The following PIK3C2G variants were observed in gnomAD, a reference collection of about 807,000 sequenced individuals.
PIK3C2G encodes the protein phosphatidylinositol-4-phosphate 3-kinase catalytic subunit type 2 gamma.
In PIK3C2G, 168 loss-of-function variants were observed where a neutral mutation model predicts 181.1. The observed-to-expected ratio is 0.93, with a 90% CI of 0.82 to 1.05. The LOEUF (loss-of-function observed/expected upper bound fraction) is 1.05. Among genes scored for constraint, PIK3C2G ranks in the 50% least tolerant of loss-of-function variants. The probability of loss-of-function intolerance (pLI) is 0.00; values close to 1 mark genes in which losing one functional copy is unlikely to be tolerated. For synonymous variants in PIK3C2G, 573 were observed against 592.2 expected, an observed-to-expected ratio of 0.97 and a Z score of 0.47; for missense variants, 1,869 against 1,732.8, an observed-to-expected ratio of 1.08 and a Z score of -1.40.
At chr12:18,532,271 C>G (rs1450452221) in intron 24 of PIK3C2G, among the ~76,000 whole-genome samples, 1 of 152,162 alleles carries the variant, frequency 6.6e-6, no homozygotes, top group Non-Finnish European at 1.5e-5. Flanking sequence ...AAAATAGACA[C>G]TCCAGATACT....
At chr12:18,620,040 T>C (rs1043617949) in intron 31 of PIK3C2G, among the ~76,000 whole-genome samples, 2 of 152,118 alleles carry the variant, frequency 1.3e-5, no homozygotes, top group Non-Finnish European at 2.9e-5. Context: ...TTTTTTAAAA[T>C]ATATTGAAAC....
chr12:18,719,829 A>T, the PIK3C2G span, among the ~76,000 whole-genome samples: 1 of 152,090 alleles, frequency 6.6e-6, no homozygotes, highest in Non-Finnish European at 1.5e-5. Context: ...CCATATTAAC[A>T]TTCAAGTAAA....
At chr12:18,345,634 A>ATTTGCTCTAGCT (rs1939598805) in intron 10 of PIK3C2G, among the ~76,000 whole-genome samples, 1 of 152,152 alleles carries the variant, frequency 6.6e-6, no homozygotes, top group African/African-American at 2.4e-5. Context: ...AGCTCTTTGC[A>ATTTGCTCTAGCT]CTATTTTCAT....
chr12:18,432,776 A>G (rs1042309304), intron 18 of PIK3C2G, among the ~76,000 whole-genome samples: 1 of 152,222 alleles, frequency 6.6e-6, no homozygotes, highest in African/African-American at 2.4e-5. Context: ...CCAGAAAGGG[A>G]TCTCAACATG....
intron 24 of PIK3C2G, among the ~76,000 whole-genome samples, chr12:18,516,062 G>A (rs1206601546): frequency 6.6e-6 from 1 of 151,972 alleles, no homozygotes; most frequent in African/African-American, 2.4e-5. Flanking sequence ...ACTTTTACCA[G>A]TGATTTTAAT....
intron 13 of PIK3C2G, among the ~76,000 whole-genome samples, chr12:18,379,181 G>A (rs1281655889): frequency 1.3e-5 from 2 of 152,160 alleles, no homozygotes; most frequent in East Asian, 1.9e-4. Flanking sequence ...ATACTATGCA[G>A]CCATAAAAAA....
intron 5 of PIK3C2G, among the ~76,000 whole-genome samples, chr12:18,307,166 A>G (rs1265109811): frequency 6.8e-6 from 1 of 148,138 alleles, no homozygotes; most frequent in Admixed American, 6.9e-5. Context: ...ATATTGCCTC[A>G]GAAATACTTT....
chr12:18,242,995 C>T (rs1286041366), upstream of PIK3C2G, among the ~76,000 whole-genome samples: 1 of 152,088 alleles, frequency 6.6e-6, no homozygotes, highest in Non-Finnish European at 1.5e-5. Flanking sequence ...CTGACCTTGC[C>T]CTGTTGGCAT....
At chr12:18,565,906 A>G (rs1016967974) in intron 28 of PIK3C2G, among the ~76,000 whole-genome samples, 1 of 152,164 alleles carries the variant, frequency 6.6e-6, no homozygotes, top group Admixed American at 6.5e-5. Context: ...TCCCAAAAAA[A>G]CTATGCATAT....
chr12:18,417,960 C>T (rs1945274280), intron 16 of PIK3C2G, among the ~76,000 whole-genome samples: 1 of 152,032 alleles, frequency 6.6e-6, no homozygotes, highest in Non-Finnish European at 1.5e-5. Context: ...AAACCTATTG[C>T]AACCAATGGA....
chr12:18,676,432 C>T, the PIK3C2G span, among the ~76,000 whole-genome samples: 1 of 152,062 alleles, frequency 6.6e-6, no homozygotes, highest in Admixed American at 6.6e-5. Context: ...TACATTGACC[C>T]CTTGCTTCTT....
intron 13 of PIK3C2G, among the ~76,000 whole-genome samples, chr12:18,374,856 C>T (rs1942324687): frequency 6.6e-6 from 1 of 152,124 alleles, no homozygotes; most frequent in Non-Finnish European, 1.5e-5. Flanking sequence ...CCTGTTATCA[C>T]CATGTGAGAC....
intron 6 of PIK3C2G, among the ~76,000 whole-genome samples, chr12:18,317,782 T>G (rs1227544903): frequency 6.6e-6 from 1 of 152,244 alleles, no homozygotes; most frequent in African/African-American, 2.4e-5. Flanking sequence ...TTCATATTGC[T>G]GTATTTCAAA....
At chr12:18,647,815 C>A in intron 32 of PIK3C2G, 61 bp from the exon 33 acceptor site, 2 of 1,014,040 alleles carry the variant, frequency 2.0e-6, no homozygotes, top group South Asian at 2.7e-5. Flanking sequence ...AAGCAATACT[C>A]AAAAAAGAGA....
At chr12:18,339,710 T>C (rs1454149984) in intron 9 of PIK3C2G, among the ~76,000 whole-genome samples, 2 of 152,178 alleles carry the variant, frequency 1.3e-5, no homozygotes, top group African/African-American at 4.8e-5. Flanking sequence ...CAGTAGTTTC[T>C]TAATGTTGGG....
Position 18,541,122 on chromosome 12 carries a change from C to T in PIK3C2G, c.3480+2810C>T, listed in dbSNP as rs1252682338. Among the ~76,000 whole-genome samples, 4 of 151,972 alleles carry T rather than the reference C, an allele frequency of 2.6e-5. No individual in the cohort carries two copies. The South Asian group carries it at 6.2e-4, about 24-fold the overall frequency. On this transcript the variant is annotated intron_variant, in intron 25 of 32. Transcript: ENST00000538779. Reference sequence around the variant, plus strand: ...CTTTAAAAAGAATTCAGTCTACTTACCATGACCCAGTTACAACTTGAGAAA... The same window carrying T: ...CTTTAAAAAGAATTCAGTCTACTTATCATGACCCAGTTACAACTTGAGAAA...
intron 13 of PIK3C2G, among the ~76,000 whole-genome samples, chr12:18,378,675 C>G (rs1224867880): frequency 2.0e-5 from 3 of 152,038 alleles, no homozygotes; most frequent in African/African-American, 7.2e-5. Flanking sequence ...AAGAAAAAAA[C>G]AAACAACCCC....
At chr12:18,628,496 G>C (rs1450257492) in intron 31 of PIK3C2G, among the ~76,000 whole-genome samples, 1 of 152,106 alleles carries the variant, frequency 6.6e-6, no homozygotes, top group Non-Finnish European at 1.5e-5. Flanking sequence ...TATGCAATCT[G>C]GGGCAAGAAA....
At chr12:18,594,422 T>C in intron 29 of PIK3C2G, 72 bp from the exon 30 acceptor site, 2 of 851,564 alleles carry the variant, frequency 2.3e-6, no homozygotes, top group Non-Finnish European at 3.6e-6. Context: ...TATATGGCAA[T>C]TTTATGTAAT....
Sources: gnomAD v4.1 joint callset for allele counts (sites outside exome capture counted in the v4.1 genomes callset) on GRCh38, gnomAD v4.1.1 for gene constraint, MANE v1.5 for transcripts, NCBI Gene and HGNC (gene_info 2026-07-23, HGNC 2026-07-21) for gene names.